C1orf115: variants seen among roughly 807,000 people sequenced by gnomAD.
C1orf115 encodes required for drug-induced death protein 1.
C1orf115 carries 14 observed loss-of-function variants against 12.5 expected under a neutral mutation model. The observed-to-expected ratio is 1.12, with a 90% confidence interval of 0.74 to 1.75. The LOEUF is 1.75. Ranked by LOEUF, C1orf115 falls within the 40% of genes most tolerant of loss-of-function variation. The probability of loss-of-function intolerance (pLI) is 0.00; values close to 1 mark genes in which losing one functional copy is unlikely to be tolerated. For synonymous variants in C1orf115, 109 were observed against 104.6 expected (o/e 1.04, Z -0.26); for missense variants, 237 against 220.8 (o/e 1.07, Z -0.46).
At position 220,690,632 on chromosome 1, in the gene C1orf115, G is replaced by T. The variant is rs755184006; in HGVS notation, c.230G>T (p.Arg77Leu). ...RRVHFALLPE[R>L]YEPLEEPAPS... Reference sequence around the variant, plus strand: ...GTGCACTTCGCCCTCCTGCCCGAGCGCTACGAGCCACTGGAGGAGCCGGCG... The same window carrying T: ...GTGCACTTCGCCCTCCTGCCCGAGCTCTACGAGCCACTGGAGGAGCCGGCG... Residue 77 changes from arginine (R) to leucine (L), a missense_variant, in exon 1 of 2, where the codon CGC (arginine) becomes CTC (leucine). Arg to Leu is a moderately radical substitution (Grantham distance 102). Coordinates refer to ENST00000294889, the MANE Select transcript of C1orf115 (RefSeq NM_024709.5). The T allele has an allele frequency of 1.5e-5, 24 of 1,561,646 alleles. No homozygotes were observed. The highest frequency in any genetic ancestry group is 2.1e-5 in the Non-Finnish European group (24 of 1,157,238).
Position 220,698,513 on chromosome 1 carries a change from C to T in C1orf115, c.*1782C>T, listed in dbSNP as rs1273587907. 6.6e-6 allele frequency: 1 copy of T among 152,208 alleles called. No homozygotes were observed. The highest frequency in any genetic ancestry group is 1.9e-4 in the East Asian group (1 of 5,186). 9.4% of individuals were successfully genotyped at this position (152,208 alleles called of 1,614,324 possible). On this transcript the variant is annotated 3_prime_UTR_variant, in exon 2 of 2. Transcript: ENST00000294889. Reference sequence around the variant, plus strand: ...CACGTGAGATAATTACAGCTTGCCCCACAACACTGGGTGTTGGAGAAAGGG... The same window carrying T: ...CACGTGAGATAATTACAGCTTGCCCTACAACACTGGGTGTTGGAGAAAGGG...
At chr1:220,693,957 A>C (rs992571909) in intron 1 of C1orf115, among the ~76,000 whole-genome samples, 1 of 151,802 alleles carries the variant, frequency 6.6e-6, no homozygotes. Context: ...GTGCATGCCT[A>C]TAATCCCAGC....
chr1:220,696,873 A>G lies in C1orf115; in HGVS notation c.*142A>G. The G allele has an allele frequency of 5.5e-6, 6 of 1,087,728 alleles. No individual in the cohort carries two copies. The highest frequency in any genetic ancestry group is 2.2e-5 in the South Asian group (1 of 45,578). 67.4% of individuals were successfully genotyped at this position (1,087,728 alleles called of 1,614,324 possible). A position where few individuals can be genotyped will look rare whatever the true frequency, so the allele number is the denominator to read the frequency against. ...CCTTTCTTTGTTGAATCACATTAGT[A>G]TGATGAGTGAGTCATCCCTGCCCAT... On this transcript the variant is annotated 3_prime_UTR_variant, in exon 2 of 2. Coordinates refer to ENST00000294889, the MANE Select transcript of C1orf115 (RefSeq NM_024709.5).
intron 1 of C1orf115, among the ~76,000 whole-genome samples, chr1:220,692,296 T>C (rs1670123783): frequency 6.6e-6 from 1 of 152,246 alleles, no homozygotes; most frequent in Admixed American, 6.5e-5. Context: ...CCTAGGGATG[T>C]AACCAAAGAA....
intron 1 of C1orf115, among the ~76,000 whole-genome samples, chr1:220,694,233 A>G (rs1670155194): frequency 6.6e-6 from 1 of 152,204 alleles, no homozygotes; most frequent in Non-Finnish European, 1.5e-5. Context: ...AGCAGATGTT[A>G]TTTAGCAGTA....
intron 1 of C1orf115, among the ~76,000 whole-genome samples, chr1:220,692,049 A>G (rs1049708216): frequency 6.6e-6 from 1 of 152,214 alleles, no homozygotes; most frequent in African/African-American, 2.4e-5. Context: ...ATGAGTTAAG[A>G]TTTCACCAGA....
intron 1 of C1orf115, 46 bp from the exon 2 acceptor site, chr1:220,696,566 T>C (rs1558344557): frequency 6.7e-7 from 1 of 1,491,744 alleles, no homozygotes; most frequent in Non-Finnish European, 9.1e-7. Context: ...AATTAAAAAG[T>C]TGCCTACCCT....
Position 220,697,917 on chromosome 1 carries a change from G to A in C1orf115, c.*1186G>A, listed in dbSNP as rs1160646184. 1 of 152,786 alleles carries A rather than the reference G, an allele frequency of 6.5e-6. No homozygotes were observed. Among genetic ancestry groups the A allele is most frequent in the Non-Finnish European group, 1.5e-5 (1 of 68,552 alleles). The allele number at this position is 152,786 out of a possible 1,614,324, so 9.5% of individuals were successfully genotyped here. ...CAGGGCTGGTGCTTAAAACCCCTGA[G>A]GCCATGAGCTCATTGGCTGCCTTTG... On this transcript the variant is annotated 3_prime_UTR_variant, in exon 2 of 2. Transcript: ENST00000294889. The surrounding 1 kb of genome is among the most constrained non-coding windows in gnomAD (Gnocchi z 4.5).
In C1orf115 at chr1:220,696,768, G is replaced by T; in HGVS notation, c.*37G>T. The T allele has an allele frequency of 6.4e-7, 1 of 1,551,526 alleles. No individual in the cohort carries two copies. On this transcript the variant is annotated 3_prime_UTR_variant, in exon 2 of 2. Coordinates refer to ENST00000294889, the MANE Select transcript of C1orf115 (RefSeq NM_024709.5). ...GTGGCAGGTGCCCCCAGAGTGAACGGGAGCCCCTGCTGTGGGAACTTTGTG... is the reference window on the plus strand; with the variant it reads ...GTGGCAGGTGCCCCCAGAGTGAACGTGAGCCCCTGCTGTGGGAACTTTGTG...
At position 220,690,462 on chromosome 1, in the gene C1orf115, C is replaced by T. The variant is rs1391763259; in HGVS notation, c.60C>T (p.Pro20=). ...KAESSLLRRG[P]RGRGRTEGDE... ...AGAGCAGCCTCCTGCGCCGCGGGCC[C>T]CGAGGGCGAGGGCGAACCGAGGGGG... The change falls in exon 1 of 2, where the codon CCC becomes CCT. Residue 20 remains proline (P), a synonymous_variant. Coordinates refer to ENST00000294889, the MANE Select transcript of C1orf115 (RefSeq NM_024709.5). 35 of 1,446,856 alleles carry T rather than the reference C, an allele frequency of 2.4e-5. No individual in the cohort carries two copies. Among genetic ancestry groups the T allele is most frequent in the Non-Finnish European group, 3.1e-5 (34 of 1,106,734 alleles). The allele number at this position is 1,446,856 out of a possible 1,614,324, so 89.6% of individuals were successfully genotyped here.
chr1:220,690,993 T>G (rs921356473), intron 1 of C1orf115, among the ~76,000 whole-genome samples: 3 of 152,160 alleles, frequency 2.0e-5, no homozygotes, highest in African/African-American at 7.2e-5. Context: ...GGTTTTTATG[T>G]AAGATCAGGA....
At chr1:220,695,621 T>C (rs1572269300) in intron 1 of C1orf115, among the ~76,000 whole-genome samples, 1 of 149,882 alleles carries the variant, frequency 6.7e-6, no homozygotes, top group African/African-American at 2.5e-5. Context: ...TATGAGGCAG[T>C]ACCCGGGGGA....
chr1:220,694,994 C>T (rs968000099), intron 1 of C1orf115, among the ~76,000 whole-genome samples: 6 of 152,122 alleles, frequency 3.9e-5, no homozygotes, highest in Non-Finnish European at 7.4e-5. Context: ...GAGTCAAAGA[C>T]GCCACATGAT....
chr1:220,690,561 G>C lies in C1orf115; in HGVS notation c.159G>C (p.Thr53=). The C allele has an allele frequency of 6.8e-7, 1 of 1,478,196 alleles. No homozygotes were observed. Among genetic ancestry groups the C allele is most frequent in the Non-Finnish European group, 8.9e-7 (1 of 1,119,178 alleles). The allele number at this position is 1,478,196 out of a possible 1,614,324, so 91.6% of individuals were successfully genotyped here. The change falls in exon 1 of 2, where the codon ACG becomes ACC. Residue 53 remains threonine, a synonymous_variant. Transcript: ENST00000294889. ...CGGAGGCGGCGGCCGAGAGCGGGAC[G>C]AGCGCGGCGGACGAGCGGGGCCCGG... The part of the protein sequence containing the change: ...DEAEAAAESG[T]SAADERGPGT...
intron 1 of C1orf115, among the ~76,000 whole-genome samples, chr1:220,692,625 T>A (rs1003350576): frequency 9.9e-5 from 15 of 152,112 alleles, no homozygotes; most frequent in African/African-American, 3.6e-4. Context: ...CACAGATTGG[T>A]GGTTGCCAGG....
At chr1:220,695,763 C>T (rs2102517963) in intron 1 of C1orf115, among the ~76,000 whole-genome samples, 1 of 152,108 alleles carries the variant, frequency 6.6e-6, no homozygotes, top group East Asian at 1.9e-4. Context: ...ATGGAAAAGT[C>T]AAAGGACTGA....
At position 220,698,867 on chromosome 1, in the gene C1orf115, A is replaced by G. The variant is rs1249178380; in HGVS notation, c.*2136A>G. 6.6e-6 allele frequency: 1 copy of G among 152,176 alleles called. No homozygotes were observed. The highest frequency in any genetic ancestry group is 1.5e-5 in the Non-Finnish European group (1 of 68,040). The allele number at this position is 152,176 out of a possible 1,614,324, so 9.4% of individuals were successfully genotyped here. A position where few individuals can be genotyped will look rare whatever the true frequency, so the allele number is the denominator to read the frequency against. ...AGGGGTTGTCCTGGGAGTCAGGTTC[A>G]CGGGTACAGAAGATGAATCTCAGAT... On this transcript the variant is annotated 3_prime_UTR_variant, in exon 2 of 2. Transcript: ENST00000294889.
At position 220,690,588 on chromosome 1, in the gene C1orf115, G is replaced by A. The variant is rs778809627; in HGVS notation, c.186G>A (p.Gly62=). The A allele has an allele frequency of 7.3e-6, 11 of 1,514,308 alleles. No homozygotes were observed. The South Asian group carries it at 1.1e-4, about 15-fold the overall frequency. The allele number at this position is 1,514,308 out of a possible 1,614,324, so 93.8% of individuals were successfully genotyped here. ...GTSAADERGP[G]TRGARRVHFA... ...GCGCGGCGGACGAGCGGGGCCCGGG[G>A]ACCCGGGGCGCGCGGAGGGTGCACT... The change falls in exon 1 of 2, where the codon GGG becomes GGA. Residue 62 remains glycine, a synonymous_variant. Transcript: ENST00000294889.
At chr1:220,693,681 C>A (rs1007791909) in intron 1 of C1orf115, among the ~76,000 whole-genome samples, 1 of 152,080 alleles carries the variant, frequency 6.6e-6, no homozygotes, top group African/African-American at 2.4e-5. Context: ...GGAGAGGTAC[C>A]AAAGGAAACA....
Sources: gnomAD v4.1 joint callset for allele counts (sites outside exome capture counted in the v4.1 genomes callset) on GRCh38, gnomAD v4.1.1 for gene constraint, Gnocchi (gnomAD v3.1) non-coding constraint, MANE v1.5 for transcripts, NCBI Gene and HGNC (gene_info 2026-07-23, HGNC 2026-07-21) for gene names.